WDPCP: variants seen among roughly 807,000 people sequenced by gnomAD.
WDPCP encodes WD repeat-containing and planar cell polarity effector protein fritz homolog.
WDPCP carries 71 observed loss-of-function variants against 93.1 expected under a neutral mutation model. That is an observed-to-expected ratio of 0.76 (90% CI 0.63 to 0.93). WDPCP has a LOEUF of 0.93. Ranked by LOEUF, WDPCP falls within the 40% of genes least tolerant of loss-of-function variation. The pLI is 0.00. For missense variants in WDPCP, 844 were observed against 887.4 expected (o/e 0.95, Z 0.62); for synonymous variants, 315 against 315.0 (o/e 1.00, Z 0.00).
intron 13 of WDPCP, among the ~76,000 whole-genome samples, chr2:63,289,216 T>C (rs1044276104): frequency 3.9e-5 from 6 of 152,122 alleles, no homozygotes; most frequent in African/African-American, 1.4e-4. Flanking sequence ...TTATGGATTC[T>C]TGTCTTAGAA....
At chr2:63,354,666 A>G (rs142564971) in intron 12 of WDPCP, among the ~76,000 whole-genome samples, 3 of 152,056 alleles carry the variant, frequency 2.0e-5, no homozygotes, top group East Asian at 1.9e-4. Flanking sequence ...GTGTGTATAT[A>G]TATGTGTGTG....
At chr2:63,138,299 A>G (rs988766400) in intron 17 of WDPCP, among the ~76,000 whole-genome samples, 2 of 151,898 alleles carry the variant, frequency 1.3e-5, no homozygotes, top group African/African-American at 4.8e-5. Flanking sequence ...CCCTGAGGAG[A>G]GGTTGTGCTA....
At chr2:63,494,786 G>A (rs565740143) in intron 1 of WDPCP, among the ~76,000 whole-genome samples, 1 of 152,270 alleles carries the variant, frequency 6.6e-6, no homozygotes, top group Non-Finnish European at 1.5e-5. Context: ...CGGGCGTGGT[G>A]GCGGGCGCCT....
chr2:63,372,045 T>C (rs1001951758), intron 12 of WDPCP, among the ~76,000 whole-genome samples: 4 of 152,212 alleles, frequency 2.6e-5, no homozygotes, highest in African/African-American at 4.8e-5. Flanking sequence ...ACAGGTAGCA[T>C]GGTGCTAGCA....
At chr2:63,134,417 G>T (rs2103619238) in intron 17 of WDPCP, among the ~76,000 whole-genome samples, 1 of 152,252 alleles carries the variant, frequency 6.6e-6, no homozygotes, top group South Asian at 2.1e-4. Flanking sequence ...TTAAATTCTG[G>T]CTAAGTTTCA....
chr2:63,202,817 AAATC>A (rs1008102437), intron 14 of WDPCP, among the ~76,000 whole-genome samples: 43 of 152,088 alleles, frequency 2.8e-4, no homozygotes, highest in Admixed American at 2.7e-3. Context: ...CAACCATTCT[AAATC>A]AATCTCTCAT....
chr2:63,655,505 C>T (rs1710157713), intron 2 of WDPCP, among the ~76,000 whole-genome samples: 1 of 151,812 alleles, frequency 6.6e-6, no homozygotes, highest in African/African-American at 2.4e-5. Flanking sequence ...GAGATCTTTC[C>T]ATCTCAGTAC....
chr2:63,324,456 C>T (rs1434890525), intron 12 of WDPCP, among the ~76,000 whole-genome samples: 3 of 152,138 alleles, frequency 2.0e-5, no homozygotes, highest in Admixed American at 2.0e-4. Context: ...TTGGCCCAAC[C>T]CAGGTACATG....
chr2:63,540,396 A>G (rs1377233350), intron 1 of WDPCP, among the ~76,000 whole-genome samples: 1 of 152,228 alleles, frequency 6.6e-6, no homozygotes, highest in East Asian at 1.9e-4. Context: ...CTGTTCAAAC[A>G]GAGCAGCTTG....
At chr2:63,422,455 T>C (rs1558612727) in intron 9 of WDPCP, among the ~76,000 whole-genome samples, 1 of 152,174 alleles carries the variant, frequency 6.6e-6, no homozygotes. Context: ...CAATTCATTA[T>C]CTCAAAAACT....
chr2:63,182,902 T>C (rs375261630), intron 14 of WDPCP, among the ~76,000 whole-genome samples: 3 of 151,926 alleles, frequency 2.0e-5, no homozygotes, highest in East Asian at 3.9e-4. Flanking sequence ...GGAATTTATA[T>C]GTCTTCTAGA....
chr2:63,622,700 C>T, intron 3 of WDPCP: 1 of 1,613,714 alleles, frequency 6.2e-7, no homozygotes, highest in Admixed American at 1.7e-5. Context: ...GGTCAGGGGT[C>T]ACCTCCCGGT....
At chr2:63,780,551 T>C (rs1295075547) in intron 2 of WDPCP, among the ~76,000 whole-genome samples, 1 of 152,212 alleles carries the variant, frequency 6.6e-6, no homozygotes, top group Admixed American at 6.5e-5. Context: ...ATGTTTTTCC[T>C]TCTAAGCACG....
chr2:63,250,759 A>T (rs1328534962), intron 14 of WDPCP, among the ~76,000 whole-genome samples: 1 of 152,234 alleles, frequency 6.6e-6, no homozygotes, highest in Non-Finnish European at 1.5e-5. Context: ...AGAAATTTTT[A>T]AAGAAATTAG....
chr2:63,372,100 C>T (rs185777287), intron 12 of WDPCP, among the ~76,000 whole-genome samples: 5 of 152,122 alleles, frequency 3.3e-5, no homozygotes, highest in East Asian at 1.9e-4. Context: ...TCACTCATGG[C>T]GGAAGGCAAA....
chr2:63,131,833 C>CTTTTTT (rs55670342), intron 17 of WDPCP, among the ~76,000 whole-genome samples: 6 of 107,712 alleles, frequency 5.6e-5, no homozygotes, highest in Non-Finnish European at 7.5e-5. Flanking sequence ...ATACAGTATT[C>CTTTTTT]TTTTTTTTTT....
intron 17 of WDPCP, among the ~76,000 whole-genome samples, chr2:63,149,115 A>G (rs1471176197): frequency 6.6e-6 from 1 of 152,180 alleles, no homozygotes; most frequent in Admixed American, 6.5e-5. Flanking sequence ...AGTTATTTGT[A>G]ACACTGACAA....
At chr2:63,154,520 G>A (rs1233541311) in intron 15 of WDPCP, among the ~76,000 whole-genome samples, 1 of 152,136 alleles carries the variant, frequency 6.6e-6, no homozygotes, top group Non-Finnish European at 1.5e-5. Flanking sequence ...TTCCATTACA[G>A]ATGTGTGTAC....
At chr2:63,313,840 C>A (rs1686373239) in intron 12 of WDPCP, among the ~76,000 whole-genome samples, 2 of 75,236 alleles carry the variant, frequency 2.7e-5, no homozygotes, top group Non-Finnish European at 2.4e-5. Context: ...TCTGGCAATA[C>A]TAATTATTCA....
Sources: gnomAD v4.1 joint callset for allele counts (sites outside exome capture counted in the v4.1 genomes callset) on GRCh38, gnomAD v4.1.1 for gene constraint, MANE v1.5 for transcripts, NCBI Gene and HGNC (gene_info 2026-07-23, HGNC 2026-07-21) for gene names.